The following PRKG1 variants were observed in gnomAD, a reference collection of about 807,000 sequenced individuals.
The protein encoded by PRKG1 is protein kinase cGMP-dependent 1.
A neutral mutation model predicts 88.1 loss-of-function variants in PRKG1; 35 were observed. The ratio of observed to expected loss-of-function variants is 0.40; its 90% CI spans 0.30 to 0.53. The LOEUF (loss-of-function observed/expected upper bound fraction) is 0.53, where lower values mean the gene tolerates loss of function less well. PRKG1 is among the 20% of genes least tolerant of loss of function. The pLI is 0.59. For missense variants in PRKG1, 540 were observed against 839.8 expected (o/e 0.64, Z 4.41); for synonymous variants, 303 against 292.5 (o/e 1.04, Z -0.37).
At position 51,449,995 on chromosome 10, in the gene PRKG1, T is replaced by A. The variant is rs571564946; in HGVS notation, c.479-17728T>A. Among the ~76,000 whole-genome samples the A allele has an allele frequency of 3.9e-5, 6 of 152,012 alleles. No individual in the cohort carries two copies. In the East Asian group the frequency reaches 1.2e-3, roughly 30 times the overall value. On this transcript the variant is annotated intron_variant, in intron 2 of 17. Coordinates refer to ENST00000373980, the MANE Select transcript of PRKG1 (RefSeq NM_006258.4). The stretch of plus-strand genomic sequence containing the variant: ...AAAAGAGCTATGGGCATTAATACCA[T>A]TTAGAGATATTTAAATTCAAAAGAT...
At chr10:51,403,496 G>C (rs111767716) in intron 2 of PRKG1, among the ~76,000 whole-genome samples, 91 of 152,246 alleles carry the variant, frequency 6.0e-4, no homozygotes, top group African/African-American at 2.1e-3. Flanking sequence ...GCAAGATACT[G>C]TTTGACACTT....
At chr10:51,103,419 A>G (rs1844734970) in intron 1 of PRKG1, among the ~76,000 whole-genome samples, 1 of 152,194 alleles carries the variant, frequency 6.6e-6, no homozygotes, top group Admixed American at 6.5e-5. Flanking sequence ...TATTTCTTCG[A>G]GCTAAAAAAA....
At chr10:51,908,576 T>G (rs1842135996) in intron 5 of PRKG1, 1 of 151,668 alleles carries the variant, frequency 6.6e-6, no homozygotes, top group East Asian at 1.9e-4. Flanking sequence ...TTAACAAAAT[T>G]GTTGTGGCTG....
chr10:52,012,533 C>T (rs4935025), intron 5 of PRKG1, among the ~76,000 whole-genome samples: 45,180 of 151,958 alleles, frequency 0.3, 6,828 homozygotes, highest in Non-Finnish European at 0.33. Flanking sequence ...TGAGCCACCG[C>T]GCCCAGCCGC....
chr10:51,485,342 G>A (rs1179694994), intron 3 of PRKG1, among the ~76,000 whole-genome samples: 2 of 152,168 alleles, frequency 1.3e-5, no homozygotes, highest in Admixed American at 6.6e-5. Context: ...TGATTATCAA[G>A]CAAGGTTCCT....
chr10:51,274,555 G>C (rs1243944044), intron 2 of PRKG1, among the ~76,000 whole-genome samples: 1 of 152,176 alleles, frequency 6.6e-6, no homozygotes, highest in Admixed American at 6.5e-5. Context: ...GTAGTAAATA[G>C]AGTAATGCTA....
chr10:51,885,673 A>G (rs1418247723), intron 4 of PRKG1, among the ~76,000 whole-genome samples: 2 of 152,094 alleles, frequency 1.3e-5, no homozygotes, highest in East Asian at 3.9e-4. Flanking sequence ...CCGTGTCTTT[A>G]TTATACTCTG....
intron 4 of PRKG1, among the ~76,000 whole-genome samples, chr10:51,888,687 C>A (rs1278368501): frequency 6.6e-6 from 1 of 152,196 alleles, no homozygotes; most frequent in African/African-American, 2.4e-5. Flanking sequence ...ATTCCCACTG[C>A]AGCTCTAGCT....
At chr10:51,872,698 T>C (rs184247077) in intron 4 of PRKG1, among the ~76,000 whole-genome samples, 3 of 152,310 alleles carry the variant, frequency 2.0e-5, no homozygotes, top group African/African-American at 7.2e-5. Flanking sequence ...TATAAGCAAG[T>C]AGCATTTTTA....
chr10:51,625,549 G>C (rs766959079), intron 3 of PRKG1, among the ~76,000 whole-genome samples: 23 of 152,076 alleles, frequency 1.5e-4, no homozygotes, highest in Non-Finnish European at 2.2e-4. Context: ...GTGCTGGAAT[G>C]GGGATTAACT....
At chr10:51,808,270 T>C (rs1047871172) in intron 4 of PRKG1, among the ~76,000 whole-genome samples, 5 of 152,290 alleles carry the variant, frequency 3.3e-5, no homozygotes, top group South Asian at 2.1e-4. Context: ...AAGTGACTTA[T>C]CACTTTTTTC....
At chr10:51,855,914 G>A (rs1422311664) in intron 4 of PRKG1, among the ~76,000 whole-genome samples, 2 of 152,128 alleles carry the variant, frequency 1.3e-5, no homozygotes, top group African/African-American at 2.4e-5. Context: ...TTATAGTTCT[G>A]GAGGGAAGAA....
chr10:51,075,005 G>A (rs1843910329), intron 1 of PRKG1, 104 bp downstream of exon 1: 1 of 1,399,450 alleles, frequency 7.1e-7, no homozygotes, highest in Non-Finnish European at 9.5e-7. Context: ...TGCCATGTCT[G>A]TCCTCATCCT....
intron 2 of PRKG1, among the ~76,000 whole-genome samples, chr10:51,330,148 T>A (rs7079850): frequency 3.1e-4 from 37 of 120,994 alleles, no homozygotes; most frequent in African/African-American, 1.1e-3. Context: ...TTTATTTATT[T>A]TTTATTTATT....
chr10:52,274,661 A>G (rs961265608), intron 12 of PRKG1, among the ~76,000 whole-genome samples: 1 of 152,034 alleles, frequency 6.6e-6, no homozygotes, highest in Non-Finnish European at 1.5e-5. Context: ...TTGTGCTTCT[A>G]TAAACATGAG....
At chr10:51,663,329 T>A (rs1840344967) in intron 3 of PRKG1, among the ~76,000 whole-genome samples, 1 of 152,146 alleles carries the variant, frequency 6.6e-6, no homozygotes, top group South Asian at 2.1e-4. Flanking sequence ...CAGTTTCCTG[T>A]TCTATACAGT....
At chr10:51,658,627 C>T (rs947827897) in intron 3 of PRKG1, among the ~76,000 whole-genome samples, 1 of 151,972 alleles carries the variant, frequency 6.6e-6, no homozygotes, top group East Asian at 1.9e-4. Context: ...AAGCATAACT[C>T]GTAGCAAGAG....
At chr10:51,062,123 T>G (rs577507840) in intron 1 of PRKG1, among the ~76,000 whole-genome samples, 59 of 152,208 alleles carry the variant, frequency 3.9e-4, no homozygotes, top group Non-Finnish European at 7.2e-4. Flanking sequence ...GCAGGAAGAC[T>G]AGGATCAGAT....
intron 5 of PRKG1, among the ~76,000 whole-genome samples, chr10:51,926,427 C>T (rs1842577920): frequency 6.6e-6 from 1 of 152,050 alleles, no homozygotes; most frequent in Non-Finnish European, 1.5e-5. Flanking sequence ...AAAGATGGTG[C>T]TTTCTGATGA....
Sources: gnomAD v4.1 joint callset for allele counts (sites outside exome capture counted in the v4.1 genomes callset) on GRCh38, gnomAD v4.1.1 for gene constraint, MANE v1.5 for transcripts, NCBI Gene and HGNC (gene_info 2026-07-23, HGNC 2026-07-21) for gene names.